Variants in PRELID2 observed in about 807,000 individuals in gnomAD.
PRELID2 encodes PRELI domain containing 2, also known as PRELI domain-containing protein 2.
In PRELID2, 25 loss-of-function variants were observed where a neutral mutation model predicts 28.4. The ratio of observed to expected loss-of-function variants is 0.88; its 90% confidence interval spans 0.64 to 1.23. The LOEUF (loss-of-function observed/expected upper bound fraction) is 1.23, where lower values mean the gene tolerates loss of function less well. Ranked by LOEUF, PRELID2 falls within the 50% of genes most tolerant of loss-of-function variation. The pLI, the probability that PRELID2 is intolerant of heterozygous loss-of-function variation, is 0.00. For synonymous variants in PRELID2, 76 were observed against 71.6 expected (o/e 1.06, Z -0.31); for missense variants, 201 against 214.4 (o/e 0.94, Z 0.39).
intron 1 of PRELID2, among the ~76,000 whole-genome samples, chr5:145,736,474 A>G (rs539357666): frequency 6.6e-6 from 1 of 152,314 alleles, no homozygotes; most frequent in Non-Finnish European, 1.5e-5. Context: ...TGAATTACTT[A>G]AGATTATATA....
chr5:145,243,460 A>G, the PRELID2 span, among the ~76,000 whole-genome samples: 46 of 152,044 alleles, frequency 3.0e-4, no homozygotes, highest in African/African-American at 8.9e-4. Flanking sequence ...GGAGAGCAAA[A>G]CATTGAAATA....
At chr5:145,529,645 C>A (rs899335074) in intron 1 of PRELID2, among the ~76,000 whole-genome samples, 1 of 152,036 alleles carries the variant, frequency 6.6e-6, no homozygotes, top group Non-Finnish European at 1.5e-5. Context: ...CAGCTGTGAA[C>A]AAGACAATGT....
intron 5 of PRELID2, among the ~76,000 whole-genome samples, chr5:145,790,295 A>C (rs377173660): frequency 3.3e-5 from 5 of 152,310 alleles, no homozygotes; most frequent in African/African-American, 1.2e-4. Flanking sequence ...TATAGTACAC[A>C]GTGGAGTACT....
the PRELID2 span, among the ~76,000 whole-genome samples, chr5:145,260,788 C>T: frequency 6.6e-6 from 1 of 152,188 alleles, no homozygotes. Context: ...ACTGCAGGAA[C>T]ATACCAGGAA....
At chr5:145,297,220 G>T in the PRELID2 span, among the ~76,000 whole-genome samples, 18 of 151,926 alleles carry the variant, frequency 1.2e-4, no homozygotes, top group African/African-American at 4.1e-4. Context: ...GTCAATTTTG[G>T]CTTTTGTTGC....
chr5:145,541,143 G>GT (rs1215612329), intron 1 of PRELID2, among the ~76,000 whole-genome samples: 2 of 151,916 alleles, frequency 1.3e-5, no homozygotes, highest in African/African-American at 2.4e-5. Flanking sequence ...TATAATGAAA[G>GT]TTTTTTATGC....
chr5:145,766,359 C>A (rs965937705), intron 5 of PRELID2, among the ~76,000 whole-genome samples: 2 of 152,252 alleles, frequency 1.3e-5, no homozygotes, highest in African/African-American at 4.8e-5. Context: ...CCATATGATC[C>A]TCTTATGATT....
chr5:145,406,178 G>C, the PRELID2 span, among the ~76,000 whole-genome samples: 2,761 of 151,930 alleles, frequency 0.018, 41 homozygotes, highest in Non-Finnish European at 0.026. Context: ...TGAGATTTAG[G>C]GGGGGAAACA....
chr5:145,472,541 T>C (rs904613634), intron 2 of PRELID2, among the ~76,000 whole-genome samples: 9 of 152,074 alleles, frequency 5.9e-5, no homozygotes, highest in Non-Finnish European at 1.2e-4. Context: ...TCCTAAGGCC[T>C]AGAAGAAAAA....
Position 145,796,493 on chromosome 5 carries a change from G to T in PRELID2, c.423C>A (p.Asn141Lys). Residue 141 changes from asparagine to lysine, a missense_variant, in exon 5 of 7, where the codon AAC (asparagine) becomes AAA (lysine). Transcript: ENST00000683046. ...TGCTGGCAAAAGTTTCTAAAACACAGTTGAGAAATCCAACCCCTGTGATTG... is the reference window on the plus strand; with the variant it reads ...TGCTGGCAAAAGTTTCTAAAACACATTTGAGAAATCCAACCCCTGTGATTG... ...RISITGVGFL[N>K]CVLETFASTF... is the part of the protein sequence containing the mutation. 6.2e-7 allele frequency: 1 copy of T among 1,610,772 alleles called. No homozygotes were observed. The highest frequency in any genetic ancestry group is 1.1e-5 in the South Asian group (1 of 90,828).
At chr5:145,547,039 T>G (rs1014336107) in intron 1 of PRELID2, among the ~76,000 whole-genome samples, 4 of 152,174 alleles carry the variant, frequency 2.6e-5, no homozygotes, top group African/African-American at 4.8e-5. Context: ...ATGTCTGATA[T>G]GTAGTAAATG....
chr5:145,832,504 C>T (rs1341322704), intron 1 of PRELID2, among the ~76,000 whole-genome samples: 1 of 152,038 alleles, frequency 6.6e-6, no homozygotes, highest in African/African-American at 2.4e-5. Flanking sequence ...GATTCTGAAA[C>T]CCTGTATTAC....
downstream of PRELID2, among the ~76,000 whole-genome samples, chr5:145,467,955 T>G (rs1050888094): frequency 1.3e-5 from 2 of 152,066 alleles, no homozygotes; most frequent in Non-Finnish European, 2.9e-5. Flanking sequence ...CTAGGGCACA[T>G]GTGCACAATG....
chr5:145,748,254 G>A (rs75310171), intron 1 of PRELID2, among the ~76,000 whole-genome samples: 4,168 of 152,216 alleles, frequency 0.027, 192 homozygotes, highest in African/African-American at 0.093. Flanking sequence ...TATGTTTAGC[G>A]AACCCTTCAT....
chr5:145,552,242 G>C (rs1290295382), intron 1 of PRELID2, among the ~76,000 whole-genome samples: 1 of 152,002 alleles, frequency 6.6e-6, no homozygotes, highest in East Asian at 1.9e-4. Flanking sequence ...TCATTTTACT[G>C]ATTTTGGTCA....
chr5:145,477,748 T>A (rs577037528), intron 1 of PRELID2, among the ~76,000 whole-genome samples: 2 of 152,068 alleles, frequency 1.3e-5, no homozygotes, highest in East Asian at 3.9e-4. Context: ...TAAATAAAAT[T>A]TTATGTGAGT....
At chr5:145,395,806 C>T in the PRELID2 span, among the ~76,000 whole-genome samples, 1 of 152,084 alleles carries the variant, frequency 6.6e-6, no homozygotes, top group Non-Finnish European at 1.5e-5. Flanking sequence ...AGTCATGGAG[C>T]CTGGACCCCA....
chr5:145,563,281 C>T (rs762846210), intron 1 of PRELID2, among the ~76,000 whole-genome samples: 8 of 152,168 alleles, frequency 5.3e-5, no homozygotes, highest in Admixed American at 3.9e-4. Context: ...CACCCACAGA[C>T]GGGACCTCCT....
At chr5:145,389,537 C>T in the PRELID2 span, among the ~76,000 whole-genome samples, 1 of 152,082 alleles carries the variant, frequency 6.6e-6, no homozygotes, top group Non-Finnish European at 1.5e-5. Flanking sequence ...GGCTGCTTTG[C>T]ATTTAGGGAA....
Sources: gnomAD v4.1 joint callset for allele counts (sites outside exome capture counted in the v4.1 genomes callset) on GRCh38, gnomAD v4.1.1 for gene constraint, MANE v1.5 for transcripts, NCBI Gene and HGNC (gene_info 2026-07-23, HGNC 2026-07-21) for gene names.